The following BLOC1S6 variants were observed in gnomAD, a reference collection of about 807,000 sequenced individuals.
The protein encoded by BLOC1S6 is biogenesis of lysosomal organelles complex 1 subunit 6.
Under a neutral mutation model 24.7 loss-of-function variants are expected in BLOC1S6, and 24 were observed. The observed-to-expected ratio is 0.97, with a 90% CI of 0.70 to 1.37. The LOEUF is 1.37. Ranked by LOEUF, BLOC1S6 falls within the 40% of genes most tolerant of loss-of-function variation. The pLI is 0.00. For missense variants in BLOC1S6, 175 were observed against 196.2 expected (o/e 0.89, Z 0.64); for synonymous variants, 76 against 72.6 (o/e 1.05, Z -0.23).
chr15:45,602,600 G>A (rs1306992501), intron 2 of BLOC1S6, among the ~76,000 whole-genome samples: 2 of 152,172 alleles, frequency 1.3e-5, no homozygotes, highest in African/African-American at 2.4e-5. Flanking sequence ...CTGGCTGTTG[G>A]CCGGGGAAAG....
At position 45,587,510 on chromosome 15, in the gene BLOC1S6, G is replaced by A; in HGVS notation, c.67G>A (p.Gly23Arg). The A allele has an allele frequency of 6.3e-7, 1 of 1,577,116 alleles. No individual in the cohort carries two copies. Residue 23 changes from glycine to arginine, a missense_variant, in exon 1 of 5, where the codon GGG (glycine) becomes AGG (arginine). Transcript: ENST00000220531. ...LTRPPYCLEA[G>R]EPTPGLSDTS... ...ACGGCCACCCTACTGCCTGGAGGCCGGGGAGCCGACGCCTGGTACGTACTA... is the reference window on the plus strand; with the variant it reads ...ACGGCCACCCTACTGCCTGGAGGCCAGGGAGCCGACGCCTGGTACGTACTA...
intron 1 of BLOC1S6, among the ~76,000 whole-genome samples, chr15:45,590,048 T>C (rs1284240878): frequency 6.6e-6 from 1 of 152,208 alleles, no homozygotes; most frequent in African/African-American, 2.4e-5. Flanking sequence ...TCTATATTTA[T>C]TAATACTTAA....
intron 1 of BLOC1S6, among the ~76,000 whole-genome samples, chr15:45,591,389 A>T (rs547254481): frequency 2.6e-4 from 40 of 152,244 alleles, no homozygotes; most frequent in African/African-American, 9.4e-4. Flanking sequence ...AGTGACCGTT[A>T]CCCACGTTTT....
chr15:45,596,991 A>G (rs1372066694), intron 2 of BLOC1S6, among the ~76,000 whole-genome samples: 2 of 152,162 alleles, frequency 1.3e-5, no homozygotes, highest in African/African-American at 2.4e-5. Context: ...CTGTAGCTTT[A>G]TAATAAGTAT....
intron 1 of BLOC1S6, 109 bp from the exon 2 acceptor site, chr15:45,592,026 A>G: frequency 2.3e-6 from 3 of 1,290,494 alleles, no homozygotes; most frequent in Non-Finnish European, 3.2e-6. Flanking sequence ...ATTGATCACA[A>G]CCAGTTACAG....
In BLOC1S6 at chr15:45,592,271, A is replaced by G; in HGVS notation, c.219A>G (p.Glu73=). ...AGAGATCAAAACAAGCCCTCCAGGA[A>G]CTCACGTAAGCTAATAAAAAACCAG... is the stretch of plus-strand genomic sequence containing the variant. ...DLQRSKQALQ[E]LTQNQVVLLD... The change falls in exon 2 of 5, where the codon GAA becomes GAG. Residue 73 remains glutamate, a synonymous_variant. Coordinates refer to ENST00000220531, the MANE Select transcript of BLOC1S6 (RefSeq NM_012388.4). The G allele has an allele frequency of 6.2e-7, 1 of 1,613,924 alleles. No individual in the cohort carries two copies. The highest frequency in any genetic ancestry group is 8.5e-7 in the Non-Finnish European group (1 of 1,180,002).
At chr15:45,595,643 A>G (rs1477853024) in intron 2 of BLOC1S6, among the ~76,000 whole-genome samples, 1 of 152,022 alleles carries the variant, frequency 6.6e-6, no homozygotes, top group African/African-American at 2.4e-5. Context: ...TTATTTAATA[A>G]ATAAGAAAAA....
rs1236720828 is a variant in BLOC1S6 at position 45,608,528 on chromosome 15, TTTTC to T, written c.*2018_*2021del. On this transcript the variant is annotated 3_prime_UTR_variant, in exon 5 of 5. Transcript: ENST00000220531. ...TTCTCTATCTACTGAAGCACATCTG[TTTTC>T]TTTGTTTGTTTTGCTTTGCTTTTTG... 2.0e-5 allele frequency: 3 copies of T among 152,230 alleles called. No homozygotes were observed. Among genetic ancestry groups the T allele is most frequent in the African/African-American group, 7.2e-5 (3 of 41,460 alleles). The allele number at this position is 152,230 out of a possible 1,614,324, so 9.4% of individuals were successfully genotyped here.
intron 2 of BLOC1S6, among the ~76,000 whole-genome samples, chr15:45,595,806 A>T (rs947376730): frequency 6.6e-6 from 1 of 152,006 alleles, no homozygotes; most frequent in African/African-American, 2.4e-5. Context: ...ATTTTGAGTT[A>T]ATTTTGTTTG....
rs527610974 is a variant in BLOC1S6, at chr15:45,605,824, AG to A, written c.399+312del. The A allele has an allele frequency of 5.3e-4, 174 of 326,746 alleles. 6 individuals carry two copies. Among genetic ancestry groups the A allele is most frequent in the South Asian group, 5.0e-3 (173 of 34,620 alleles). The allele number at this position is 326,746 out of a possible 1,614,324, so 20.2% of individuals were successfully genotyped here. A position where few individuals can be genotyped will look rare whatever the true frequency, so the allele number is the denominator to read the frequency against. ...AGGCTGGTCTCAAACTCCTGACCTC[AG>A]GTGATACGCCTGCCTTGGCCTCCCA... On this transcript the variant is annotated intron_variant, in intron 4 of 4. Transcript: ENST00000220531.
chr15:45,606,420 AGAG>A lies in BLOC1S6; in HGVS notation c.427_429del (p.Arg143del). The A allele has an allele frequency of 6.2e-7, 1 of 1,614,100 alleles. No individual in the cohort carries two copies. The highest frequency in any genetic ancestry group is 8.5e-7 in the Non-Finnish European group (1 of 1,180,026). On this transcript the variant is annotated inframe_deletion, in exon 5 of 5. Transcript: ENST00000220531. ...AAAAGAGCACTTAAACTGCAGCAGA[AGAG>A]GCAAAAAGAAGAGTTGGAAAGGGAG... is the stretch of plus-strand genomic sequence containing the variant.
At chr15:45,604,362 T>C (rs1245022395) in intron 3 of BLOC1S6, among the ~76,000 whole-genome samples, 1 of 152,236 alleles carries the variant, frequency 6.6e-6, no homozygotes, top group Admixed American at 6.5e-5. Context: ...CCTGTGGAAG[T>C]AAATACAGAG....
Position 45,606,763 on chromosome 15 carries a change from A to G in BLOC1S6, c.*249A>G, listed in dbSNP as rs1894481681. On this transcript the variant is annotated 3_prime_UTR_variant, in exon 5 of 5. Coordinates refer to ENST00000220531, the MANE Select transcript of BLOC1S6 (RefSeq NM_012388.4). Reference sequence around the variant, plus strand: ...TTATTATTTTGATCTTGAATTATTTATAAACTGGAAAGTGGTTTGATTATT... The same window carrying G: ...TTATTATTTTGATCTTGAATTATTTGTAAACTGGAAAGTGGTTTGATTATT... The G allele has an allele frequency of 1.4e-5, 7 of 489,906 alleles. No individual in the cohort carries two copies. Among genetic ancestry groups the G allele is most frequent in the Non-Finnish European group, 2.1e-5 (6 of 279,606 alleles). 30.3% of individuals were successfully genotyped at this position (489,906 alleles called of 1,614,324 possible).
At chr15:45,592,358 C>T in intron 2 of BLOC1S6, 82 bp downstream of exon 2, 1 of 1,518,692 alleles carries the variant, frequency 6.6e-7, no homozygotes, top group Non-Finnish European at 9.1e-7. Context: ...TGTGTTAAGA[C>T]ATAATATTTT....
rs1366145044 is a variant in BLOC1S6 at position 45,599,490 on chromosome 15, A to G, written c.225-3610A>G. ...AATGAACTCAAACAAATTTACAAGA[A>G]AAAAACAACCCCATCAAAAAGTGGG... is the stretch of plus-strand genomic sequence containing the variant. On this transcript the variant is annotated intron_variant, in intron 2 of 4. Coordinates refer to ENST00000220531, the MANE Select transcript of BLOC1S6 (RefSeq NM_012388.4). 121 of 136,334 alleles carry G rather than the reference A, an allele frequency of 8.9e-4. 10 individuals carry two copies. The highest frequency in any genetic ancestry group is 3.9e-3 in the African/African-American group (115 of 29,548). 8.4% of individuals were successfully genotyped at this position (136,334 alleles called of 1,614,324 possible). A position where few individuals can be genotyped will look rare whatever the true frequency, so the allele number is the denominator to read the frequency against.
At chr15:45,590,389 G>T (rs1893840932) in intron 1 of BLOC1S6, among the ~76,000 whole-genome samples, 1 of 150,270 alleles carries the variant, frequency 6.7e-6, no homozygotes, top group Admixed American at 6.7e-5. Context: ...GAATATGATA[G>T]CATGTTGTTT....
At chr15:45,592,736 A>T (rs1449294457) in intron 2 of BLOC1S6, among the ~76,000 whole-genome samples, 1 of 152,208 alleles carries the variant, frequency 6.6e-6, no homozygotes, top group Non-Finnish European at 1.5e-5. Context: ...CTTTACTAGT[A>T]AGTAAAGATT....
At position 45,605,497 on chromosome 15, in the gene BLOC1S6, A is replaced by G. The variant is rs1254638614; in HGVS notation, c.382A>G (p.Lys128Glu). 1.2e-6 allele frequency: 2 copies of G among 1,610,034 alleles called. No individual in the cohort carries two copies. The highest frequency in any genetic ancestry group is 2.2e-5 in the East Asian group (1 of 44,788). The change falls in exon 4 of 5, where the codon AAA becomes GAA. Residue 128 changes from lysine (K) to glutamate (E), a missense_variant. Coordinates refer to ENST00000220531, the MANE Select transcript of BLOC1S6 (RefSeq NM_012388.4). ...AAAAGAGATGCTGATGCTTCATGAAAAAACATCAAAGTTAAAAGTGAGTTG... is the reference window on the plus strand; with the variant it reads ...AAAAGAGATGCTGATGCTTCATGAAGAAACATCAAAGTTAAAAGTGAGTTG... ...IRKEMLMLHE[K>E]TSKLKKRALK...
chr15:45,595,694 G>T (rs1368874458), intron 2 of BLOC1S6, among the ~76,000 whole-genome samples: 2 of 152,096 alleles, frequency 1.3e-5, no homozygotes, highest in African/African-American at 4.8e-5. Context: ...GCTTTTGGTA[G>T]TGTGTCTAAA....
Sources: gnomAD v4.1 joint callset for allele counts (sites outside exome capture counted in the v4.1 genomes callset) on GRCh38, gnomAD v4.1.1 for gene constraint, MANE v1.5 for transcripts, NCBI Gene and HGNC (gene_info 2026-07-23, HGNC 2026-07-21) for gene names.